The following PRKDC variants were observed in gnomAD, a reference collection of about 807,000 sequenced individuals.
PRKDC encodes the protein protein kinase, DNA-activated, catalytic subunit.
In PRKDC, 82 loss-of-function variants were observed where a neutral mutation model predicts 486.9. The ratio of observed to expected loss-of-function variants is 0.17; its 90% confidence interval spans 0.14 to 0.20. The LOEUF is 0.20. Ranked by LOEUF, PRKDC falls within the 10% of genes least tolerant of loss-of-function variation. The pLI, the probability that PRKDC is intolerant of heterozygous loss-of-function variation, is 1.00. For missense variants in PRKDC, 4,504 were observed against 5,038.2 expected (o/e 0.89, Z 3.21); for synonymous variants, 1,895 against 1,837.0 (o/e 1.03, Z -0.81).
chr8:47,862,562 C>A, intron 42 of PRKDC, 21 bp from the exon 43 acceptor site: 2 of 1,573,234 alleles, frequency 1.3e-6, no homozygotes, highest in Non-Finnish European at 1.7e-6. Context: ...ATCCATGTGA[C>A]AAATCAATTC....
Position 47,859,746 on chromosome 8 carries a change from A to G in PRKDC, c.6072T>C (p.Tyr2024=), listed in dbSNP as rs544553927. The G allele has an allele frequency of 1.2e-6, 2 of 1,611,822 alleles. No individual in the cohort carries two copies. The highest frequency in any genetic ancestry group is 1.3e-5 in the African/African-American group (1 of 75,000). ...AANGDSDGPS[Y]MSSLSYLADS... ...CTGCCAAATATGACAGGGAAGACAT[A>G]TAGGAAGGACCATCTGAAATATAAA... The change falls in exon 46 of 86, where the codon TAT becomes TAC. Residue 2024 remains tyrosine (Y), a synonymous_variant. Transcript: ENST00000314191.
rs1479326849 is a variant in PRKDC at position 47,783,783 on chromosome 8, A to G, written c.11134T>C (p.Leu3712=). 1.9e-6 allele frequency: 3 copies of G among 1,613,824 alleles called. No homozygotes were observed. In the African/African-American group the frequency reaches 4.0e-5, roughly 22 times the overall value. The change falls in exon 78 of 86, where the codon TTG becomes CTG. Residue 3712 remains leucine (L), a synonymous_variant. Coordinates refer to ENST00000314191, the MANE Select transcript of PRKDC (RefSeq NM_006904.7). ...PGQYDGRGKP[L]PEYHVRIAGF... is the part of the protein sequence containing the mutation. The stretch of plus-strand genomic sequence containing the variant: ...GCGATTCGCACGTGGTACTCTGGCA[A>G]TGGCTTTCCCCTACCGTCATACTGA...
At chr8:47,936,021 G>C in intron 12 of PRKDC, 121 bp from the exon 13 acceptor site, 1 of 994,940 alleles carries the variant, frequency 1.0e-6, no homozygotes, top group Non-Finnish European at 1.4e-6. Flanking sequence ...AACATGGTTT[G>C]TCATCTAACC....
chr8:47,788,992 T>C lies in PRKDC; in HGVS notation c.10816A>G (p.Ile3606Val). Residue 3606 changes from isoleucine to valine, a missense_variant, in exon 76 of 86, where the codon ATT becomes GTT. Ile to Val is a conservative substitution (Grantham distance 29). Coordinates refer to ENST00000314191, the MANE Select transcript of PRKDC (RefSeq NM_006904.7). ...TACATTCTTTCATACATTTTTTCAA[T>C]GTTTTTTTTATTTACAGGGGTTTTT... ...LAKTPVNKKN[I>V]EKMYERMYAA... 6.2e-7 allele frequency: 1 copy of C among 1,613,566 alleles called. No homozygotes were observed.
chr8:47,778,937 A>G, intron 81 of PRKDC, 67 bp downstream of exon 81: 2 of 1,459,032 alleles, frequency 1.4e-6, no homozygotes, highest in Non-Finnish European at 1.9e-6. Flanking sequence ...CTAAGAATCA[A>G]AAGAAAACAT....
chr8:47,950,614 G>C (rs2090611883), intron 7 of PRKDC, among the ~76,000 whole-genome samples: 1 of 145,308 alleles, frequency 6.9e-6, no homozygotes, highest in East Asian at 2.0e-4. Flanking sequence ...GGGCGACAGA[G>C]CAAGACTCCG....
intron 14 of PRKDC, among the ~76,000 whole-genome samples, chr8:47,934,424 A>T (rs576862309): frequency 3.9e-5 from 6 of 152,186 alleles, no homozygotes; most frequent in Non-Finnish European, 7.3e-5. Context: ...AATACCAGCT[A>T]CTTGGGAGGC....
Position 47,957,282 on chromosome 8 carries a change from A to G in PRKDC, c.232-19T>C. Reference sequence around the variant, plus strand: ...CACGAAACTGTAATGAAAGAGATACATATTGTAAATATGGGTAAGAGGAGT... The same window carrying G: ...CACGAAACTGTAATGAAAGAGATACGTATTGTAAATATGGGTAAGAGGAGT... On this transcript the variant is annotated intron_variant, in intron 2 of 85. Transcript: ENST00000314191. The G allele has an allele frequency of 2.5e-6, 4 of 1,579,896 alleles. No individual in the cohort carries two copies. The highest frequency in any genetic ancestry group is 2.6e-6 in the Non-Finnish European group (3 of 1,152,882).
At chr8:47,868,351 G>A (rs1441052315) in intron 40 of PRKDC, among the ~76,000 whole-genome samples, 1 of 151,386 alleles carries the variant, frequency 6.6e-6, no homozygotes, top group African/African-American at 2.4e-5. Context: ...GAGCTTATGA[G>A]TTCAAGACCA....
Position 47,939,651 on chromosome 8 carries a change from A to G in PRKDC, c.1013T>C (p.Leu338Pro). The G allele has an allele frequency of 1.2e-6, 2 of 1,610,358 alleles. No individual in the cohort carries two copies. Among genetic ancestry groups the G allele is most frequent in the Non-Finnish European group, 1.7e-6 (2 of 1,178,440 alleles). Residue 338 changes from leucine to proline, a missense_variant, in exon 11 of 86, where the codon CTG (leucine) becomes CCG (proline). Physicochemically the swap from Leu to Pro is moderately conservative, Grantham distance 98 (BLOSUM62 -3). This residue lies in a region of PRKDC where 1,969 missense variants were observed against 2,068.9 expected (regional missense o/e 0.95). Transcript: ENST00000314191. ...AKNAEMHKNK[L>P]QYFMEQFYGI... ...ATAAAACTGCTCCATAAAGTACTGC[A>G]GTTTATTTTTATGCATTTCTGCATT...
At chr8:47,887,281 T>C (rs1183975811) in intron 35 of PRKDC, among the ~76,000 whole-genome samples, 4 of 152,176 alleles carry the variant, frequency 2.6e-5, no homozygotes, top group African/African-American at 7.2e-5. Context: ...AGCTTCATAG[T>C]CACAAAACGT....
At chr8:47,935,486 C>T (rs2090333489) in intron 13 of PRKDC, among the ~76,000 whole-genome samples, 1 of 150,898 alleles carries the variant, frequency 6.6e-6, no homozygotes, top group South Asian at 2.1e-4. Context: ...GGGGACAGAG[C>T]GAGACTCTTG....
At chr8:47,802,688 T>C (rs1183429499) in intron 70 of PRKDC, among the ~76,000 whole-genome samples, 2 of 151,860 alleles carry the variant, frequency 1.3e-5, no homozygotes, top group Admixed American at 1.3e-4. Flanking sequence ...AGTCTTTCTC[T>C]GTCGTCCAGG....
intron 80 of PRKDC, among the ~76,000 whole-genome samples, chr8:47,780,039 T>C (rs1359601306): frequency 6.7e-6 from 1 of 149,976 alleles, no homozygotes; most frequent in African/African-American, 2.4e-5. Flanking sequence ...CTCAGCCTCC[T>C]AAGTGGCTGG....
chr8:47,785,246 G>A lies in PRKDC; in HGVS notation c.10974C>T (p.Asp3658=). The A allele has an allele frequency of 6.2e-7, 1 of 1,613,620 alleles. No homozygotes were observed. The highest frequency in any genetic ancestry group is 8.5e-7 in the Non-Finnish European group (1 of 1,179,690). The change falls in exon 77 of 86, where the codon GAC becomes GAT. Residue 3658 remains aspartate, a synonymous_variant. Coordinates refer to ENST00000314191, the MANE Select transcript of PRKDC (RefSeq NM_006904.7). ...GSKLLRMKLS[D]FNDITNMLLL... ...GTAGCATGTTGGTAATGTCGTTGAA[G>A]TCACTGAGCTTCATTCTCAGTAGTT...
At chr8:47,907,330 G>A (rs1419377317) in intron 25 of PRKDC, among the ~76,000 whole-genome samples, 4 of 147,172 alleles carry the variant, frequency 2.7e-5, no homozygotes, top group Admixed American at 8.3e-5. Context: ...GTGAGCCACC[G>A]CGCCTGGCCA....
intron 7 of PRKDC, among the ~76,000 whole-genome samples, chr8:47,944,817 G>C (rs1381564006): frequency 2.6e-5 from 4 of 152,212 alleles, no homozygotes; most frequent in Non-Finnish European, 5.9e-5. Context: ...ATTTGAGACA[G>C]AGCCCTGATG....
At chr8:47,799,932 G>A (rs2087064122) in intron 71 of PRKDC, among the ~76,000 whole-genome samples, 1 of 152,078 alleles carries the variant, frequency 6.6e-6, no homozygotes, top group Non-Finnish European at 1.5e-5. Flanking sequence ...GATGGGTGGG[G>A]AAATTTAATT....
In PRKDC at chr8:47,818,551, C is replaced by A. The variant is rs74802778; in HGVS notation, c.9445+851G>T. On this transcript the variant is annotated intron_variant, in intron 67 of 85. Coordinates refer to ENST00000314191, the MANE Select transcript of PRKDC (RefSeq NM_006904.7). The stretch of plus-strand genomic sequence containing the variant: ...CCGAGATCCCGCCACTGCACTCCAG[C>A]CTGCGAAACAGAGTGAGACTCCGTC... 4.7e-3 allele frequency among the ~76,000 whole-genome samples: 659 copies of A among 139,694 alleles called. 14 individuals carry two copies. The highest frequency in any genetic ancestry group is 0.036 in the Admixed American group (476 of 13,268). The allele number at this position is 139,694 out of a possible 152,430, so 91.6% of individuals were successfully genotyped here. A position where few individuals can be genotyped will look rare whatever the true frequency, so the allele number is the denominator to read the frequency against.
Sources: allele counts gnomAD v4.1 joint callset (sites outside exome capture counted in the v4.1 genomes callset), GRCh38; gene constraint gnomAD v4.1.1; regional missense constraint gnomAD v4.1.1; transcripts MANE v1.5; gene names NCBI Gene and HGNC (gene_info 2026-07-23, HGNC 2026-07-21).